Variants in CRAMP1 observed in about 807,000 individuals in gnomAD.
The protein encoded by CRAMP1 is cramped chromatin regulator 1, also known as protein cramped-like.
Under a neutral mutation model 115.4 loss-of-function variants are expected in CRAMP1, and 50 were observed. The observed-to-expected ratio is 0.43, with a 90% CI of 0.35 to 0.55. The LOEUF (loss-of-function observed/expected upper bound fraction) is 0.55. CRAMP1 is among the 20% of genes least tolerant of loss of function. The pLI, the probability that CRAMP1 is intolerant of heterozygous loss-of-function variation, is 0.01. For missense variants in CRAMP1, 1,679 were observed against 1,721.7 expected (o/e 0.98, Z 0.44); for synonymous variants, 866 against 745.4 (o/e 1.16, Z -2.64).
chr16:1,632,931 C>G (rs1007439623), intron 4 of CRAMP1, among the ~76,000 whole-genome samples: 103 of 152,252 alleles, frequency 6.8e-4, no homozygotes, highest in African/African-American at 2.4e-3. Context: ...ATCACCATCT[C>G]TGTCCTTGGG....
chr16:1,615,830 A>ATAT (rs1216665651), intron 2 of CRAMP1, among the ~76,000 whole-genome samples: 1 of 152,224 alleles, frequency 6.6e-6, no homozygotes, highest in African/African-American at 2.4e-5. Flanking sequence ...TAAATAGCAA[A>ATAT]TATAACATCA....
chr16:1,625,225 T>G (rs765649613), intron 2 of CRAMP1, among the ~76,000 whole-genome samples: 129 of 151,904 alleles, frequency 8.5e-4, no homozygotes, highest in Non-Finnish European at 8.8e-4. Flanking sequence ...GTCTTTTGAC[T>G]CCTGCCACAT....
intron 4 of CRAMP1, among the ~76,000 whole-genome samples, chr16:1,637,554 T>C (rs2036598469): frequency 6.6e-6 from 1 of 152,220 alleles, no homozygotes; most frequent in African/African-American, 2.4e-5. Flanking sequence ...GTTCTGAGTG[T>C]TGTGTTTTCT....
At chr16:1,642,213 C>G (rs1367728074) in intron 6 of CRAMP1, among the ~76,000 whole-genome samples, 1 of 152,254 alleles carries the variant, frequency 6.6e-6, no homozygotes, top group African/African-American at 2.4e-5. Context: ...TAGCACTTCA[C>G]CCTTGGACCT....
At chr16:1,652,378 T>G (rs2036731699) in intron 6 of CRAMP1, 118 bp from the exon 7 acceptor site, 3 of 785,120 alleles carry the variant, frequency 3.8e-6, no homozygotes, top group Non-Finnish European at 6.2e-6. Context: ...CTCGAGAGGC[T>G]GGGGTGGATG....
intron 6 of CRAMP1, among the ~76,000 whole-genome samples, chr16:1,643,805 C>T (rs1277648176): frequency 2.0e-5 from 3 of 152,252 alleles, no homozygotes; most frequent in Non-Finnish European, 4.4e-5. Flanking sequence ...CCAGCTCCTC[C>T]AGGCCGCGTG....
chr16:1,622,284 G>A (rs147143522), intron 2 of CRAMP1, among the ~76,000 whole-genome samples: 207 of 152,324 alleles, frequency 1.4e-3, no homozygotes, highest in Non-Finnish European at 2.3e-3. Flanking sequence ...AGGCTGAGGC[G>A]GGAGGATTAT....
intron 4 of CRAMP1, among the ~76,000 whole-genome samples, chr16:1,632,681 C>T (rs751283815): frequency 7.9e-5 from 12 of 152,244 alleles, no homozygotes; most frequent in Non-Finnish European, 1.3e-4. Context: ...AGCCTGTGGT[C>T]TCCACTGCAA....
chr16:1,658,402 CTG>C (rs1260261074), intron 10 of CRAMP1, among the ~76,000 whole-genome samples: 2 of 152,078 alleles, frequency 1.3e-5, no homozygotes, highest in Non-Finnish European at 2.9e-5. Flanking sequence ...GACATGGCGC[CTG>C]TGTTTGGGTG....
chr16:1,619,801 A>G (rs755740877), intron 2 of CRAMP1, among the ~76,000 whole-genome samples: 11 of 152,242 alleles, frequency 7.2e-5, no homozygotes, highest in Non-Finnish European at 1.3e-4. Context: ...AGTGACTCCC[A>G]GAGGGTGTCG....
intron 2 of CRAMP1, 78 bp downstream of exon 2, chr16:1,615,063 G>C (rs1241136626): frequency 2.2e-6 from 2 of 914,002 alleles, no homozygotes; most frequent in Non-Finnish European, 2.9e-6. Context: ...CCTCGCCCCA[G>C]CCGGGCTCCA....
chr16:1,651,913 G>A (rs2036727494), intron 6 of CRAMP1, among the ~76,000 whole-genome samples: 1 of 151,606 alleles, frequency 6.6e-6, no homozygotes, highest in Non-Finnish European at 1.5e-5. Context: ...AGGTCACGGG[G>A]AGGTGAACTG....
At chr16:1,631,716 TCA>T (rs2036549304) in intron 3 of CRAMP1, among the ~76,000 whole-genome samples, 2 of 152,244 alleles carry the variant, frequency 1.3e-5, no homozygotes, top group African/African-American at 4.8e-5. Context: ...CCACGTATAA[TCA>T]GAGTATAGTC....
chr16:1,614,711 T>G lies in CRAMP1; in HGVS notation c.72T>G (p.Asp24Glu), dbSNP rs2036401522. ...GLKKLGKRAA[D>E]EESLEGEGAG... ...AGAAGCTGGGCAAGCGGGCGGCCGATGAGGAGTCCCTGGAAGGAGAAGGGG... is the reference window on the plus strand; with the variant it reads ...AGAAGCTGGGCAAGCGGGCGGCCGAGGAGGAGTCCCTGGAAGGAGAAGGGG... Residue 24 changes from aspartate to glutamate, a missense_variant, in exon 2 of 21, where the codon GAT becomes GAG. Asp to Glu is a conservative substitution (Grantham distance 45). Coordinates refer to ENST00000397412, the MANE Select transcript of CRAMP1 (RefSeq NM_020825.4). This position sits in a 1 kb window ranked among gnomAD's most constrained non-coding sequence, Gnocchi z 4.4. 1 of 1,347,198 alleles carries G rather than the reference T, an allele frequency of 7.4e-7. No homozygotes were observed. The highest frequency in any genetic ancestry group is 9.6e-7 in the Non-Finnish European group (1 of 1,040,046). 83.5% of individuals were successfully genotyped at this position (1,347,198 alleles called of 1,614,324 possible).
At chr16:1,652,660 G>T (rs2036734767) in intron 7 of CRAMP1, 79 bp downstream of exon 7, 8 of 1,293,162 alleles carry the variant, frequency 6.2e-6, no homozygotes, top group Non-Finnish European at 8.7e-6. Context: ...TGAGCTACCG[G>T]GTTGCTGCCA....
intron 6 of CRAMP1, among the ~76,000 whole-genome samples, chr16:1,641,836 G>C (rs910001076): frequency 4.2e-4 from 64 of 151,682 alleles, no homozygotes; most frequent in Admixed American, 8.5e-4. Flanking sequence ...CAGCCTGGGG[G>C]GGTTCCCCAC....
chr16:1,669,286 A>G lies in CRAMP1; in HGVS notation c.3499+121A>G, dbSNP rs2036902576. The G allele has an allele frequency of 1.2e-5, 9 of 743,056 alleles. No individual in the cohort carries two copies. In the South Asian group the frequency reaches 2.0e-4, roughly 17 times the overall value. The allele number at this position is 743,056 out of a possible 1,614,324, so 46.0% of individuals were successfully genotyped here. On this transcript the variant is annotated intron_variant, in intron 19 of 20. Coordinates refer to ENST00000397412, the MANE Select transcript of CRAMP1 (RefSeq NM_020825.4). The surrounding 1 kb of genome is among the most constrained non-coding windows in gnomAD (Gnocchi z 4.6). ...AGGACTGTTGGCTTGTTCGCTTCTC[A>G]AGTGTTTGTATTTTTCTGAGTTAAT...
intron 8 of CRAMP1, 22 bp downstream of exon 8, chr16:1,653,178 A>C (rs2036739293): frequency 6.2e-7 from 1 of 1,601,382 alleles, no homozygotes; most frequent in Non-Finnish European, 8.5e-7. Flanking sequence ...CTTGGCACGC[A>C]GAGGGGTCCC....
In CRAMP1 at chr16:1,672,036, C is replaced by T. The variant is rs1287480499; in HGVS notation, c.3645+1227C>T. On this transcript the variant is annotated intron_variant, in intron 20 of 20. Coordinates refer to ENST00000397412, the MANE Select transcript of CRAMP1 (RefSeq NM_020825.4). The surrounding 1 kb of genome is among the most constrained non-coding windows in gnomAD (Gnocchi z 4.9). ...GTCTCTGTCTCTTCCCCTGTTTGTG[C>T]GCATGTTCCTAAGTGCTGGGCTCTG... Among the ~76,000 whole-genome samples the T allele has an allele frequency of 1.3e-5, 2 of 152,158 alleles. No homozygotes were observed. Among genetic ancestry groups the T allele is most frequent in the African/African-American group, 2.4e-5 (1 of 41,450 alleles).
Sources: gnomAD v4.1 joint callset for allele counts (sites outside exome capture counted in the v4.1 genomes callset) on GRCh38, gnomAD v4.1.1 for gene constraint, Gnocchi (gnomAD v3.1) non-coding constraint, MANE v1.5 for transcripts, NCBI Gene and HGNC (gene_info 2026-07-23, HGNC 2026-07-21) for gene names.